The following TCF7L1 variants were observed in gnomAD, a reference collection of about 807,000 sequenced individuals.
TCF7L1 encodes transcription factor 7-like 1.
In TCF7L1, 18 loss-of-function variants were observed where a neutral mutation model predicts 63.7. The ratio of observed to expected loss-of-function variants is 0.28; its 90% CI spans 0.20 to 0.42. TCF7L1 has a LOEUF of 0.42. TCF7L1 is among the 10% of genes least tolerant of loss of function. TCF7L1 has a pLI of 1.00. For synonymous variants in TCF7L1, 355 were observed against 340.9 expected (o/e 1.04, Z -0.46); for missense variants, 654 against 779.3 (o/e 0.84, Z 1.91).
At chr2:85,195,431 CAG>C (rs1475891105) in intron 3 of TCF7L1, among the ~76,000 whole-genome samples, 2 of 152,200 alleles carry the variant, frequency 1.3e-5, no homozygotes, top group Admixed American at 6.5e-5. Flanking sequence ...TGCTGGGTGA[CAG>C]AGCGAGGAGA....
At chr2:85,162,131 A>G (rs895940709) in intron 3 of TCF7L1, among the ~76,000 whole-genome samples, 10 of 152,070 alleles carry the variant, frequency 6.6e-5, no homozygotes, top group Admixed American at 2.0e-4. Context: ...GCTACTCTGG[A>G]GGCTGAGGCA....
At chr2:85,168,379 T>TA (rs777484596) in intron 3 of TCF7L1, among the ~76,000 whole-genome samples, 30 of 151,776 alleles carry the variant, frequency 2.0e-4, no homozygotes, top group Admixed American at 3.3e-4. Flanking sequence ...AACAAAATTG[T>TA]AAAAAACAAA....
chr2:85,299,794 G>A (rs1160693175), intron 4 of TCF7L1, among the ~76,000 whole-genome samples: 3 of 150,430 alleles, frequency 2.0e-5, no homozygotes, highest in Non-Finnish European at 4.4e-5. Flanking sequence ...GGGAGGTAGA[G>A]GCTGCAGTGA....
chr2:85,297,241 C>T (rs936437949), intron 4 of TCF7L1, among the ~76,000 whole-genome samples: 2 of 152,184 alleles, frequency 1.3e-5, no homozygotes, highest in African/African-American at 4.8e-5. Context: ...TCAGAAGGAC[C>T]TGAAAGCACA....
At chr2:85,297,121 C>A (rs984114511) in intron 4 of TCF7L1, among the ~76,000 whole-genome samples, 4 of 152,164 alleles carry the variant, frequency 2.6e-5, no homozygotes, top group African/African-American at 9.7e-5. Flanking sequence ...TCTTTTGCCA[C>A]CCTTAATGCC....
Position 85,306,143 on chromosome 2 carries a change from A to G in TCF7L1, c.990-63A>G. 6.3e-7 allele frequency: 1 copy of G among 1,597,098 alleles called. No homozygotes were observed. The highest frequency in any genetic ancestry group is 8.6e-7 in the Non-Finnish European group (1 of 1,167,588). Reference sequence around the variant, plus strand: ...AGACAATCAGCGGTGTTTCAGTGACAGGTGGGGATTGATGAGTTGTGTGAC... The same window carrying G: ...AGACAATCAGCGGTGTTTCAGTGACGGGTGGGGATTGATGAGTTGTGTGAC... On this transcript the variant is annotated intron_variant, in intron 8 of 11. Transcript: ENST00000282111. The surrounding 1 kb of genome is among the most constrained non-coding windows in gnomAD (Gnocchi z 4.3).
At position 85,303,776 on chromosome 2, in the gene TCF7L1, C is replaced by T. The variant is rs1466489523; in HGVS notation, c.659-119C>T. On this transcript the variant is annotated intron_variant, in intron 5 of 11. Coordinates refer to ENST00000282111, the MANE Select transcript of TCF7L1 (RefSeq NM_031283.3). Reference sequence around the variant, plus strand: ...TTGACAGAGGGCAAGGACAATGACACAAGCACCTGCTAGGCTCCAGAGCAC... The same window carrying T: ...TTGACAGAGGGCAAGGACAATGACATAAGCACCTGCTAGGCTCCAGAGCAC... 1.4e-5 allele frequency: 10 copies of T among 720,180 alleles called. No individual in the cohort carries two copies. The Middle Eastern group carries it at 7.3e-4, about 53-fold the overall frequency. The allele number at this position is 720,180 out of a possible 1,614,324, so 44.6% of individuals were successfully genotyped here. A position where few individuals can be genotyped will look rare whatever the true frequency, so the allele number is the denominator to read the frequency against.
intron 3 of TCF7L1, among the ~76,000 whole-genome samples, chr2:85,272,567 A>T (rs570664459): frequency 1.3e-5 from 2 of 152,172 alleles, no homozygotes; most frequent in South Asian, 4.2e-4. Flanking sequence ...GCTAAGGCGA[A>T]AGGATCACTT....
At chr2:85,280,921 C>G (rs1681398648) in intron 3 of TCF7L1, among the ~76,000 whole-genome samples, 1 of 151,904 alleles carries the variant, frequency 6.6e-6, no homozygotes, top group Non-Finnish European at 1.5e-5. Context: ...TGGTCTTGTG[C>G]AAGGTGTGGG....
intron 3 of TCF7L1, among the ~76,000 whole-genome samples, chr2:85,163,758 C>G (rs1678345113): frequency 6.6e-6 from 1 of 152,016 alleles, no homozygotes; most frequent in African/African-American, 2.4e-5. Context: ...TGCTCCAGGC[C>G]TCTCTCCTTG....
At chr2:85,214,089 C>T (rs779493363) in intron 3 of TCF7L1, among the ~76,000 whole-genome samples, 4 of 152,140 alleles carry the variant, frequency 2.6e-5, no homozygotes, top group Non-Finnish European at 4.4e-5. Context: ...CAGCCTGAAC[C>T]GTGTCAGGGA....
intron 3 of TCF7L1, among the ~76,000 whole-genome samples, chr2:85,160,851 A>C (rs1299957976): frequency 5.3e-5 from 8 of 152,198 alleles, no homozygotes; most frequent in Admixed American, 4.6e-4. Context: ...ACTCTGTCTC[A>C]AAAAGAAAAG....
chr2:85,300,999 C>T lies in TCF7L1; in HGVS notation c.526-1485C>T, dbSNP rs534373637. On this transcript the variant is annotated intron_variant, in intron 4 of 11. Coordinates refer to ENST00000282111, the MANE Select transcript of TCF7L1 (RefSeq NM_031283.3). ...TTCACCATGTCGGCCAGGCTAGTCT[C>T]GAACTCCTGACTTCAGGTGTTCTGC... Among the ~76,000 whole-genome samples the T allele has an allele frequency of 3.3e-4, 50 of 152,202 alleles. No individual in the cohort carries two copies. The East Asian group carries it at 6.2e-3, about 19-fold the overall frequency.
At chr2:85,298,528 C>A (rs1205468000) in intron 4 of TCF7L1, among the ~76,000 whole-genome samples, 1 of 150,470 alleles carries the variant, frequency 6.6e-6, no homozygotes, top group African/African-American at 2.5e-5. Flanking sequence ...CACATGGCTT[C>A]CTAGGGAGAC....
intron 3 of TCF7L1, among the ~76,000 whole-genome samples, chr2:85,178,862 C>T (rs1437888447): frequency 1.3e-5 from 2 of 152,102 alleles, no homozygotes; most frequent in African/African-American, 4.8e-5. Flanking sequence ...ACTTTGGAGC[C>T]TCAGCCAACC....
chr2:85,272,187 G>T (rs1681166540), intron 3 of TCF7L1, among the ~76,000 whole-genome samples: 1 of 152,192 alleles, frequency 6.6e-6, no homozygotes, highest in African/African-American at 2.4e-5. Flanking sequence ...TAATTGGGTG[G>T]CCCAGAGCAG....
Position 85,309,165 on chromosome 2 carries a change from T to C in TCF7L1, c.1470T>C (p.Ala490=). ...CCTCTGCAGCTTTGGCCTCACCAGC[T>C]GCCCCTGCTGCCACCCATTCGGAGC... ...ATPSAALASP[A]APAATHSEQA... The change falls in exon 12 of 12, where the codon GCT becomes GCC. Residue 490 remains alanine, a synonymous_variant. Transcript: ENST00000282111. 1 of 1,613,404 alleles carries C rather than the reference T, an allele frequency of 6.2e-7. No homozygotes were observed. Among genetic ancestry groups the C allele is most frequent in the Non-Finnish European group, 8.5e-7 (1 of 1,179,916 alleles).
chr2:85,306,883 C>G lies in TCF7L1; in HGVS notation c.1257+324C>G, dbSNP rs1335612594. Among the ~76,000 whole-genome samples the G allele has an allele frequency of 6.6e-6, 1 of 152,166 alleles. No individual in the cohort carries two copies. Among genetic ancestry groups the G allele is most frequent in the African/African-American group, 2.4e-5 (1 of 41,438 alleles). On this transcript the variant is annotated intron_variant, in intron 10 of 11. Transcript: ENST00000282111. The surrounding 1 kb of genome is among the most constrained non-coding windows in gnomAD (Gnocchi z 4.3). ...GTTTCACTGTGTTAACCAGGATGGT[C>G]TCGAGCTCCTGACCTCGTGATCCGC... is the stretch of plus-strand genomic sequence containing the variant.
intron 3 of TCF7L1, among the ~76,000 whole-genome samples, chr2:85,178,595 A>G (rs980259493): frequency 1.3e-5 from 2 of 152,196 alleles, no homozygotes; most frequent in Non-Finnish European, 2.9e-5. Flanking sequence ...CTCTCTCTTC[A>G]GGCCAGAAAT....
Sources: gnomAD v4.1 joint callset for allele counts (sites outside exome capture counted in the v4.1 genomes callset) on GRCh38, gnomAD v4.1.1 for gene constraint, Gnocchi (gnomAD v3.1) non-coding constraint, MANE v1.5 for transcripts, NCBI Gene and HGNC (gene_info 2026-07-23, HGNC 2026-07-21) for gene names.